Variants in CLUAP1 observed in about 807,000 individuals in gnomAD.
The protein encoded by CLUAP1 is clusterin-associated protein 1.
CLUAP1 carries 50 observed loss-of-function variants against 55.0 expected under a neutral mutation model. The observed-to-expected ratio is 0.91, with a 90% CI of 0.72 to 1.15. CLUAP1 has a LOEUF of 1.15. Ranked by LOEUF, CLUAP1 falls within the 50% of genes most tolerant of loss-of-function variation. CLUAP1 has a pLI of 0.00. For synonymous variants in CLUAP1, 195 were observed against 175.4 expected, an observed-to-expected ratio of 1.11 and a Z score of -0.88; for missense variants, 530 against 507.6, an observed-to-expected ratio of 1.04 and a Z score of -0.42.
intron 4 of CLUAP1, among the ~76,000 whole-genome samples, chr16:3,510,863 G>A (rs750928871): frequency 6.6e-6 from 1 of 152,250 alleles, no homozygotes; most frequent in Non-Finnish European, 1.5e-5. Flanking sequence ...CCGATTGGCT[G>A]TCCAGGTGGA....
At chr16:3,509,258 A>G (rs567837451) in intron 4 of CLUAP1, among the ~76,000 whole-genome samples, 21 of 152,212 alleles carry the variant, frequency 1.4e-4, no homozygotes, top group African/African-American at 4.8e-4. Flanking sequence ...GGGGGGAAGA[A>G]AAAAAATGTG....
intron 5 of CLUAP1, among the ~76,000 whole-genome samples, chr16:3,513,855 C>CATTCACTCA (rs2037681207): frequency 6.6e-6 from 1 of 152,200 alleles, no homozygotes; most frequent in African/African-American, 2.4e-5. Flanking sequence ...TCATTCACTT[C>CATTCACTCA]CTAGCAAGAG....
chr16:3,502,379 G>A lies in CLUAP1; in HGVS notation c.22+1290G>A, dbSNP rs560691163. ...GAATTGCTTGATTCCGGGAGGCAGAGGTTGCAGTGAGCCAAGATGGCACCA... is the reference window on the plus strand; with the variant it reads ...GAATTGCTTGATTCCGGGAGGCAGAAGTTGCAGTGAGCCAAGATGGCACCA... On this transcript the variant is annotated intron_variant, in intron 1 of 11. Coordinates refer to ENST00000576634, the MANE Select transcript of CLUAP1 (RefSeq NM_015041.3). Among the ~76,000 whole-genome samples the A allele has an allele frequency of 3.3e-5, 5 of 151,658 alleles. No individual in the cohort carries two copies. In the East Asian group the frequency reaches 5.8e-4, roughly 18 times the overall value.
chr16:3,532,765 T>C, intron 10 of CLUAP1, 21 bp from the exon 11 acceptor site: 1 of 1,613,568 alleles, frequency 6.2e-7, no homozygotes, highest in Non-Finnish European at 8.5e-7. Context: ...TATGACTTCT[T>C]CATGCTTTTG....
At chr16:3,517,305 T>G (rs2037747057) in intron 6 of CLUAP1, among the ~76,000 whole-genome samples, 1 of 151,952 alleles carries the variant, frequency 6.6e-6, no homozygotes, top group Non-Finnish European at 1.5e-5. Context: ...TTATTTTATT[T>G]ATTTATTTGT....
At chr16:3,519,136 ACT>A (rs1399214196) in intron 6 of CLUAP1, among the ~76,000 whole-genome samples, 1 of 152,068 alleles carries the variant, frequency 6.6e-6, no homozygotes, top group Non-Finnish European at 1.5e-5. Context: ...ACTACCAGTG[ACT>A]CTACCTGCTT....
In CLUAP1 at chr16:3,519,951, G is replaced by A. The variant is rs374477662; in HGVS notation, c.628G>A (p.Glu210Lys). Reference protein sequence around the residue: ...KDLLNNVASDEANLEAKIEKR... With the variant: ...KDLLNNVASDKANLEAKIEKR... ...CCTGCTCAATAATGTGGCCTCTGAT[G>A]AAGCTAATTTAGAAGCCAAAATCGA... The change falls in exon 7 of 12, where the codon GAA (glutamate) becomes AAA (lysine). Residue 210 changes from glutamate (E) to lysine (K), a missense_variant. Transcript: ENST00000576634. 2.5e-6 allele frequency: 4 copies of A among 1,613,556 alleles called. No homozygotes were observed. The African/African-American group carries it at 4.0e-5, about 16-fold the overall frequency.
chr16:3,532,777 T>G lies in CLUAP1; in HGVS notation c.1037-9T>G. The G allele has an allele frequency of 6.8e-6, 11 of 1,613,974 alleles. No individual in the cohort carries two copies. Among genetic ancestry groups the G allele is most frequent in the Non-Finnish European group, 9.3e-6 (11 of 1,179,902 alleles). ...TTTTATGACTTCTTCATGCTTTTGT[T>G]GTTCTCAGGAAGACCTGGCAAACGC... On this transcript the variant is annotated splice_polypyrimidine_tract_variant and intron_variant, in intron 10 of 11. Coordinates refer to ENST00000576634, the MANE Select transcript of CLUAP1 (RefSeq NM_015041.3).
intron 9 of CLUAP1, among the ~76,000 whole-genome samples, chr16:3,529,834 AAT>A (rs1491122413): frequency 2.0e-5 from 1 of 48,782 alleles, no homozygotes; most frequent in Non-Finnish European, 3.4e-5. Flanking sequence ...TATATTATAT[AAT>A]ATATTATATA....
At chr16:3,503,302 A>G (rs2037443114) in intron 1 of CLUAP1, among the ~76,000 whole-genome samples, 1 of 151,992 alleles carries the variant, frequency 6.6e-6, no homozygotes, top group African/African-American at 2.4e-5. Context: ...AGCTGGGACT[A>G]CAGGTGCCCG....
chr16:3,510,563 G>T (rs532709368), intron 4 of CLUAP1, among the ~76,000 whole-genome samples: 1 of 152,214 alleles, frequency 6.6e-6, no homozygotes, highest in Non-Finnish European at 1.5e-5. Flanking sequence ...GCTACAGGCC[G>T]GGTCTTGGGG....
chr16:3,498,086 A>AG (rs2037332055), upstream of CLUAP1, among the ~76,000 whole-genome samples: 2 of 152,068 alleles, frequency 1.3e-5, no homozygotes, highest in Non-Finnish European at 2.9e-5. Context: ...AAAGCATGAG[A>AG]ATCTGGGTAG....
Position 3,532,793 on chromosome 16 carries a change from T to G in CLUAP1, c.1044T>G (p.Pro348=). ...TGCTTTTGTTGTTCTCAGGAAGACC[T>G]GGCAAACGCATTGTGGGCACGATGC... The part of the protein sequence containing the change: ...TAMEMLMQGR[P]GKRIVGTMQG... The change falls in exon 11 of 12, where the codon CCT becomes CCG. Residue 348 remains proline, a synonymous_variant. Coordinates refer to ENST00000576634, the MANE Select transcript of CLUAP1 (RefSeq NM_015041.3). The G allele has an allele frequency of 6.2e-7, 1 of 1,614,124 alleles. No homozygotes were observed. Among genetic ancestry groups the G allele is most frequent in the Non-Finnish European group, 8.5e-7 (1 of 1,180,000 alleles).
At chr16:3,521,313 A>G (rs781211202) in intron 7 of CLUAP1, among the ~76,000 whole-genome samples, 1 of 152,228 alleles carries the variant, frequency 6.6e-6, no homozygotes, top group Non-Finnish European at 1.5e-5. Flanking sequence ...TCAAAAGATT[A>G]TAATTATTTC....
rs1173678797 is a variant in CLUAP1, at chr16:3,538,579, C to T, written c.*2308C>T. 1.3e-5 allele frequency: 2 copies of T among 152,202 alleles called. No homozygotes were observed. The highest frequency in any genetic ancestry group is 2.4e-5 in the African/African-American group (1 of 41,450). 9.4% of individuals were successfully genotyped at this position (152,202 alleles called of 1,614,324 possible). A position where few individuals can be genotyped will look rare whatever the true frequency, so the allele number is the denominator to read the frequency against. ...TTATGTGATGCTTTCTTCTAACACA[C>T]TTTAACACAGAAGCCTAACCTAGCT... is the stretch of plus-strand genomic sequence containing the variant. On this transcript the variant is annotated 3_prime_UTR_variant, in exon 12 of 12. Coordinates refer to ENST00000576634, the MANE Select transcript of CLUAP1 (RefSeq NM_015041.3).
At chr16:3,497,261 T>A (rs2037324784), upstream of CLUAP1, among the ~76,000 whole-genome samples, 1 of 150,034 alleles carries the variant, frequency 6.7e-6, no homozygotes, top group Non-Finnish European at 1.5e-5. Flanking sequence ...GCTAATGAAG[T>A]TCAGAAAAAT....
chr16:3,500,345 C>A (rs994295434), upstream of CLUAP1, among the ~76,000 whole-genome samples: 4 of 148,780 alleles, frequency 2.7e-5, no homozygotes, highest in Non-Finnish European at 4.5e-5. Context: ...CGGGGGAAGG[C>A]GGGCTTCCTG....
Position 3,525,253 on chromosome 16 carries a change from GA to G in CLUAP1, c.856-1156del, listed in dbSNP as rs1204177743. 4.6e-5 allele frequency among the ~76,000 whole-genome samples: 7 copies of G among 152,152 alleles called. 1 individual carries two copies. Among genetic ancestry groups the G allele is most frequent in the East Asian group, 1.9e-4 (1 of 5,190 alleles). On this transcript the variant is annotated intron_variant, in intron 8 of 11. Transcript: ENST00000576634. ...AAAGAACAGTCAAGGGCAGTGAAAA[GA>G]AACGTTGGCCATTTTTTTGTATTAT...
At chr16:3,528,810 T>C (rs2037998505) in intron 9 of CLUAP1, among the ~76,000 whole-genome samples, 1 of 151,090 alleles carries the variant, frequency 6.6e-6, no homozygotes, top group Non-Finnish European at 1.5e-5. Flanking sequence ...TGCATGTGGC[T>C]ATTCGGTTGT....
Sources: allele counts gnomAD v4.1 joint callset (sites outside exome capture counted in the v4.1 genomes callset), GRCh38; gene constraint gnomAD v4.1.1; transcripts MANE v1.5; gene names NCBI Gene and HGNC (gene_info 2026-07-23, HGNC 2026-07-21).